The following MDGA2 variants were observed in gnomAD, a reference collection of about 807,000 sequenced individuals.
MDGA2 encodes the protein MAM domain containing glycosylphosphatidylinositol anchor 2, also known as MAM domain-containing glycosylphosphatidylinositol anchor protein 2.
In MDGA2, 40 loss-of-function variants were observed where a neutral mutation model predicts 117.8. The observed-to-expected ratio is 0.34, with a 90% CI of 0.26 to 0.44. MDGA2 has a LOEUF of 0.44. Among genes scored for constraint, MDGA2 ranks in the 20% least tolerant of loss-of-function variants. MDGA2 has a pLI of 1.00. For synonymous variants in MDGA2, 452 were observed against 439.0 expected (o/e 1.03, Z -0.37); for missense variants, 1,123 against 1,250.6 (o/e 0.90, Z 1.54).
chr14:47,161,001 T>C (rs1418418748), intron 3 of MDGA2, among the ~76,000 whole-genome samples: 3 of 152,190 alleles, frequency 2.0e-5, no homozygotes, highest in Admixed American at 2.0e-4. Context: ...TCTTTCCTTA[T>C]TCCAAATCAG....
At chr14:47,070,806 C>T (rs1357049959) in intron 6 of MDGA2, among the ~76,000 whole-genome samples, 3 of 152,108 alleles carry the variant, frequency 2.0e-5, no homozygotes, top group African/African-American at 7.2e-5. Flanking sequence ...CTGGGTTTCA[C>T]CATGTTGGCC....
intron 2 of MDGA2, among the ~76,000 whole-genome samples, chr14:47,234,872 T>G (rs1259848946): frequency 1.3e-5 from 2 of 152,202 alleles, no homozygotes; most frequent in African/African-American, 4.8e-5. Flanking sequence ...AGTATTTACT[T>G]AATTTTGTCA....
At chr14:47,582,087 A>G (rs1214530348) in intron 1 of MDGA2, among the ~76,000 whole-genome samples, 1 of 151,928 alleles carries the variant, frequency 6.6e-6, no homozygotes, top group African/African-American at 2.4e-5. Flanking sequence ...TAAAATTCTT[A>G]GTACAGTGTT....
At chr14:47,449,769 A>G (rs1327045818) in intron 1 of MDGA2, among the ~76,000 whole-genome samples, 1 of 152,190 alleles carries the variant, frequency 6.6e-6, no homozygotes, top group Non-Finnish European at 1.5e-5. Context: ...CAACTTTTTT[A>G]TGCTTTGTGA....
At chr14:47,586,272 T>A (rs895597719) in intron 1 of MDGA2, among the ~76,000 whole-genome samples, 2 of 151,876 alleles carry the variant, frequency 1.3e-5, no homozygotes, top group African/African-American at 4.8e-5. Context: ...CACAATGTCT[T>A]CACACTCTAC....
At chr14:47,642,307 A>C (rs535419832) in intron 1 of MDGA2, among the ~76,000 whole-genome samples, 2 of 152,114 alleles carry the variant, frequency 1.3e-5, no homozygotes, top group African/African-American at 4.8e-5. Context: ...CAAGGCACTT[A>C]GAAAAGGGCG....
In MDGA2 at chr14:47,035,134, C is replaced by G; in HGVS notation, c.1696G>C (p.Asp566His). The G allele has an allele frequency of 6.2e-7, 1 of 1,614,108 alleles. No individual in the cohort carries two copies. The highest frequency in any genetic ancestry group is 8.5e-7 in the Non-Finnish European group (1 of 1,180,004). ...ACATTCACAATCCTCAGTGTTCCAT[C>G]ATAACTCTCCATTTGCATTGATCCA... ...PDGSMQMESY[D>H]GTLRIVNVSR... Residue 566 changes from aspartate to histidine, a missense_variant, in exon 8 of 17, where the codon GAT becomes CAT. Transcript: ENST00000399232.
intron 1 of MDGA2, among the ~76,000 whole-genome samples, chr14:47,328,735 G>A (rs534808959): frequency 3.3e-5 from 5 of 152,244 alleles, no homozygotes; most frequent in African/African-American, 1.2e-4. Flanking sequence ...GCCTTTCACT[G>A]AAGGAAATTC....
intron 6 of MDGA2, among the ~76,000 whole-genome samples, chr14:47,074,034 A>G (rs1328830081): frequency 1.3e-5 from 2 of 152,150 alleles, no homozygotes; most frequent in Non-Finnish European, 2.9e-5. Flanking sequence ...TTTTCCTCAC[A>G]GTAAAGTCTT....
intron 1 of MDGA2, among the ~76,000 whole-genome samples, chr14:47,345,092 T>C (rs1156895372): frequency 6.6e-6 from 1 of 152,110 alleles, no homozygotes; most frequent in Non-Finnish European, 1.5e-5. Context: ...TTAGGGAATA[T>C]ACAACCTCTG....
At chr14:47,260,872 A>G (rs1168173582) in intron 2 of MDGA2, among the ~76,000 whole-genome samples, 1 of 152,084 alleles carries the variant, frequency 6.6e-6, no homozygotes, top group Non-Finnish European at 1.5e-5. Context: ...AGCATTACTA[A>G]AGAATGCAAC....
chr14:47,126,001 C>T, intron 5 of MDGA2, among the ~76,000 whole-genome samples: 1 of 152,002 alleles, frequency 6.6e-6, no homozygotes, highest in East Asian at 1.9e-4. Flanking sequence ...TGGTAACACA[C>T]ATAATATAAG....
intron 1 of MDGA2, among the ~76,000 whole-genome samples, chr14:47,526,344 TA>T (rs1385588151): frequency 6.6e-6 from 1 of 152,222 alleles, no homozygotes; most frequent in Non-Finnish European, 1.5e-5. Context: ...AATAGAATTT[TA>T]TTTTATTCTA....
rs144234821 is a variant in MDGA2, at chr14:47,106,741, G to A, written c.926-9618C>T. ...AACTCTCACAGTGGAAGGTAAGCCC[G>A]TCCCCTTCTTAATCAATACAGAGGC... On this transcript the variant is annotated intron_variant, in intron 5 of 16. Transcript: ENST00000399232. 4.8e-3 allele frequency among the ~76,000 whole-genome samples: 728 copies of A among 150,772 alleles called. 9 individuals are homozygous for A. The highest frequency in any genetic ancestry group is 0.017 in the African/African-American group (684 of 40,854).
intron 3 of MDGA2, among the ~76,000 whole-genome samples, chr14:47,155,344 C>T (rs920274208): frequency 6.6e-6 from 1 of 151,988 alleles, no homozygotes; most frequent in Non-Finnish European, 1.5e-5. Context: ...CTGCTTGCCA[C>T]ATTGCGGATG....
At chr14:46,919,457 T>C (rs1293525004) in intron 10 of MDGA2, among the ~76,000 whole-genome samples, 2 of 152,218 alleles carry the variant, frequency 1.3e-5, no homozygotes, top group African/African-American at 4.8e-5. Flanking sequence ...TTGAAAAAGA[T>C]ACAGTTTTTT....
chr14:47,132,134 G>T (rs1423196501), intron 4 of MDGA2, among the ~76,000 whole-genome samples: 1 of 151,824 alleles, frequency 6.6e-6, no homozygotes, highest in Non-Finnish European at 1.5e-5. Context: ...AGCTTCCTCA[G>T]GGGAAAAGTC....
chr14:47,433,341 G>GA (rs1051701115), intron 1 of MDGA2, among the ~76,000 whole-genome samples: 2 of 151,924 alleles, frequency 1.3e-5, no homozygotes, highest in African/African-American at 2.4e-5. Flanking sequence ...TATTGATTAA[G>GA]AAAAAACGTG....
intron 1 of MDGA2, among the ~76,000 whole-genome samples, chr14:47,358,205 G>A (rs1386985501): frequency 1.3e-5 from 2 of 152,160 alleles, no homozygotes; most frequent in Non-Finnish European, 2.9e-5. Flanking sequence ...GTGGAAGCAT[G>A]ATCAGCAACT....
Sources: allele counts gnomAD v4.1 joint callset (sites outside exome capture counted in the v4.1 genomes callset), GRCh38; gene constraint gnomAD v4.1.1; transcripts MANE v1.5; gene names NCBI Gene and HGNC (gene_info 2026-07-23, HGNC 2026-07-21).